Variants in ARL15 observed in about 807,000 individuals in gnomAD.
ARL15 encodes ARF like GTPase 15.
ARL15 carries 19 observed loss-of-function variants against 25.2 expected under a neutral mutation model. The ratio of observed to expected loss-of-function variants is 0.75; its 90% confidence interval spans 0.53 to 1.10. The LOEUF is 1.10. ARL15 is among the 50% of genes least tolerant of loss of function. ARL15 has a pLI of 0.00. For synonymous variants in ARL15, 94 were observed against 86.8 expected (o/e 1.08, Z -0.46); for missense variants, 220 against 246.0 (o/e 0.89, Z 0.71).
chr5:54,246,696 G>A (rs1757092716), intron 1 of ARL15, among the ~76,000 whole-genome samples: 1 of 151,812 alleles, frequency 6.6e-6, no homozygotes, highest in African/African-American at 2.4e-5. Flanking sequence ...CCATCACCAA[G>A]TTCAAGTAAC....
intron 1 of ARL15, among the ~76,000 whole-genome samples, chr5:54,235,422 T>A (rs754345160): frequency 1.3e-5 from 2 of 152,122 alleles, no homozygotes; most frequent in Non-Finnish European, 2.9e-5. Context: ...ATGATCTAAT[T>A]TATGTTTTAA....
At chr5:54,277,511 G>A (rs966478328) in intron 1 of ARL15, among the ~76,000 whole-genome samples, 16 of 152,284 alleles carry the variant, frequency 1.1e-4, no homozygotes, top group Admixed American at 4.6e-4. Context: ...CAGCACTTTG[G>A]GAGGCCGAGG....
chr5:54,146,753 T>A (rs1753922021), intron 3 of ARL15, among the ~76,000 whole-genome samples: 1 of 152,146 alleles, frequency 6.6e-6, no homozygotes. Flanking sequence ...AGATCCTCAT[T>A]GCCAGGGGGG....
chr5:54,243,547 A>G (rs1757013676), intron 1 of ARL15, among the ~76,000 whole-genome samples: 2 of 152,336 alleles, frequency 1.3e-5, no homozygotes, highest in African/African-American at 4.8e-5. Context: ...CTGATAGTAA[A>G]GTATTAAGTT....
chr5:53,980,804 C>G (rs1748094524), intron 4 of ARL15, among the ~76,000 whole-genome samples: 1 of 152,126 alleles, frequency 6.6e-6, no homozygotes, highest in African/African-American at 2.4e-5. Flanking sequence ...CTCACTAATA[C>G]ACCCAAAGGC....
intron 1 of ARL15, chr5:54,282,353 G>C (rs897061441): frequency 3.0e-6 from 3 of 985,282 alleles, no homozygotes; most frequent in African/African-American, 3.5e-5. Flanking sequence ...AAGAATAAGA[G>C]AATAAGAAAT....
At chr5:54,049,389 A>G (rs1263599316) in intron 4 of ARL15, among the ~76,000 whole-genome samples, 4 of 152,052 alleles carry the variant, frequency 2.6e-5, no homozygotes, top group Non-Finnish European at 4.4e-5. Context: ...TGCAGGCATG[A>G]GCCACCATGC....
intron 4 of ARL15, among the ~76,000 whole-genome samples, chr5:54,085,367 C>G (rs192677777): frequency 6.6e-6 from 1 of 152,192 alleles, no homozygotes; most frequent in Non-Finnish European, 1.5e-5. Context: ...TAGTTTACAG[C>G]AAAGCAATTT....
intron 1 of ARL15, among the ~76,000 whole-genome samples, chr5:54,189,498 G>C: frequency 6.6e-6 from 1 of 152,140 alleles, no homozygotes; most frequent in East Asian, 1.9e-4. Context: ...CTTTGCATAT[G>C]TGGTCAAATG....
rs900435621 is a variant in ARL15 at position 53,912,970 on chromosome 5, GA to G, written c.463-26258del. Among the ~76,000 whole-genome samples, 33 of 152,310 alleles carry G rather than the reference GA, an allele frequency of 2.2e-4. No individual in the cohort carries two copies. In the Middle Eastern group the frequency reaches 0.01, roughly 47 times the overall value. On this transcript the variant is annotated intron_variant, in intron 4 of 4. Coordinates refer to ENST00000504924, the MANE Select transcript of ARL15 (RefSeq NM_019087.3). ...CAATGGCATAAAGTACTAGGAAGAT[GA>G]AGCAGGAAGATGCATGGGAAGTCTA... is the stretch of plus-strand genomic sequence containing the variant.
chr5:53,918,582 G>A (rs1330315110), intron 4 of ARL15, among the ~76,000 whole-genome samples: 1 of 152,072 alleles, frequency 6.6e-6, no homozygotes. Flanking sequence ...GAGTGATTTA[G>A]ATCTGGGGGG....
chr5:54,282,862 A>C (rs1294035047), intron 1 of ARL15, among the ~76,000 whole-genome samples: 1 of 152,240 alleles, frequency 6.6e-6, no homozygotes, highest in East Asian at 1.9e-4. Context: ...GGCAGTACTC[A>C]ACTTAGAATT....
At chr5:54,183,708 T>C (rs1371250761) in intron 1 of ARL15, among the ~76,000 whole-genome samples, 1 of 149,500 alleles carries the variant, frequency 6.7e-6, no homozygotes, top group Non-Finnish European at 1.5e-5. Flanking sequence ...CTCAGGGATC[T>C]AGAACTAGAA....
chr5:54,226,662 A>T lies in ARL15; in HGVS notation c.49-54734T>A, dbSNP rs562008422. 1.6e-3 allele frequency among the ~76,000 whole-genome samples: 231 copies of T among 140,058 alleles called. 1 individual carries two copies. Among genetic ancestry groups the T allele is most frequent in the African/African-American group, 4.9e-3 (201 of 40,654 alleles). The allele number at this position is 140,058 out of a possible 152,430, so 91.9% of individuals were successfully genotyped here. A position where few individuals can be genotyped will look rare whatever the true frequency, so the allele number is the denominator to read the frequency against. The stretch of plus-strand genomic sequence containing the variant: ...TGCCTTGCTTTTAGTCTAAGTTATT[A>T]AAAAAAATGAGTAAAACCTTTAAAA... On this transcript the variant is annotated intron_variant, in intron 1 of 4. Coordinates refer to ENST00000504924, the MANE Select transcript of ARL15 (RefSeq NM_019087.3).
intron 4 of ARL15, among the ~76,000 whole-genome samples, chr5:54,005,839 G>A (rs1749013834): frequency 6.7e-6 from 1 of 149,754 alleles, no homozygotes; most frequent in Non-Finnish European, 1.5e-5. Flanking sequence ...TCTAGCCTGG[G>A]TGACAGAGCG....
intron 4 of ARL15, among the ~76,000 whole-genome samples, chr5:54,046,916 C>T (rs1489076210): frequency 6.6e-6 from 1 of 152,150 alleles, no homozygotes; most frequent in East Asian, 1.9e-4. Context: ...GCCTGGACAG[C>T]TGTGCTCAGG....
At chr5:54,126,094 T>C (rs1453889766) in intron 3 of ARL15, among the ~76,000 whole-genome samples, 2 of 152,142 alleles carry the variant, frequency 1.3e-5, no homozygotes, top group African/African-American at 2.4e-5. Context: ...CAATTAAGAA[T>C]TACCTCTGCT....
intron 1 of ARL15, among the ~76,000 whole-genome samples, chr5:54,175,324 C>CTTCT (rs754906905): frequency 8.5e-4 from 129 of 151,682 alleles, no homozygotes; most frequent in Admixed American, 1.8e-3. Flanking sequence ...TGTCTTTTCT[C>CTTCT]TTCTTTCTTT....
intron 2 of ARL15, among the ~76,000 whole-genome samples, chr5:54,168,125 C>G (rs1579867336): frequency 6.6e-6 from 1 of 152,188 alleles, no homozygotes; most frequent in Non-Finnish European, 1.5e-5. Context: ...TATCCTCAGT[C>G]CTTAAATCAG....
Sources: gnomAD v4.1 joint callset for allele counts (sites outside exome capture counted in the v4.1 genomes callset) on GRCh38, gnomAD v4.1.1 for gene constraint, MANE v1.5 for transcripts, NCBI Gene and HGNC (gene_info 2026-07-23, HGNC 2026-07-21) for gene names.